The following ARHGAP26 variants were observed in gnomAD, a reference collection of about 807,000 sequenced individuals.
ARHGAP26 encodes the protein rho GTPase-activating protein 26.
ARHGAP26 carries 38 observed loss-of-function variants against 104.8 expected under a neutral mutation model. The observed-to-expected ratio is 0.36, with a 90% CI of 0.28 to 0.48. ARHGAP26 has a LOEUF of 0.48. Among genes scored for constraint, ARHGAP26 ranks in the 20% least tolerant of loss-of-function variants. ARHGAP26 has a pLI of 0.99. For missense variants in ARHGAP26, 704 were observed against 947.9 expected, an observed-to-expected ratio of 0.74 and a Z score of 3.38; for synonymous variants, 341 against 340.0, an observed-to-expected ratio of 1.00 and a Z score of -0.03.
Position 142,990,612 on chromosome 5 carries a change from T to C in ARHGAP26, c.1108-23468T>C, listed in dbSNP as rs904674169. 7.7e-4 allele frequency among the ~76,000 whole-genome samples: 117 copies of C among 152,340 alleles called. 1 individual carries two copies. Among genetic ancestry groups the C allele is most frequent in the Non-Finnish European group, 7.1e-4 (48 of 68,026 alleles). On this transcript the variant is annotated intron_variant, in intron 11 of 22. Transcript: ENST00000645722. ...TGTGGTTTTATCTACTTTTGGTCTT[T>C]GATGATGGTGACGTACAGATGGGGT...
intron 1 of ARHGAP26, among the ~76,000 whole-genome samples, chr5:142,841,528 T>C (rs1360654094): frequency 6.6e-6 from 1 of 152,196 alleles, no homozygotes; most frequent in Non-Finnish European, 1.5e-5. Flanking sequence ...TTACCCTAGC[T>C]GGAGGTGACT....
intron 1 of ARHGAP26, among the ~76,000 whole-genome samples, chr5:142,813,597 C>A (rs1288141597): frequency 6.6e-6 from 1 of 152,200 alleles, no homozygotes; most frequent in Non-Finnish European, 1.5e-5. Context: ...AAGGTTTTGG[C>A]AGGGCTGTTT....
chr5:143,036,486 T>TG (rs1434272287), intron 12 of ARHGAP26, among the ~76,000 whole-genome samples: 3 of 152,220 alleles, frequency 2.0e-5, no homozygotes, highest in Non-Finnish European at 4.4e-5. Context: ...CTGCTTCCTT[T>TG]GGTAGTGTCT....
At chr5:143,008,254 G>A (rs919040438) in intron 11 of ARHGAP26, among the ~76,000 whole-genome samples, 1 of 152,176 alleles carries the variant, frequency 6.6e-6, no homozygotes, top group African/African-American at 2.4e-5. Context: ...TGAGGTCTAG[G>A]GATGATAACT....
chr5:143,162,292 C>CAT (rs1801346940), intron 20 of ARHGAP26, among the ~76,000 whole-genome samples: 1 of 93,630 alleles, frequency 1.1e-5, no homozygotes, highest in African/African-American at 2.9e-5. Flanking sequence ...CATACACACA[C>CAT]ACACACACAC....
At chr5:143,006,316 C>CTGTTTTTT (rs772059084) in intron 11 of ARHGAP26, among the ~76,000 whole-genome samples, 1 of 112,868 alleles carries the variant, frequency 8.9e-6, no homozygotes, top group Non-Finnish European at 1.9e-5. Context: ...AGTGTTTTTT[C>CTGTTTTTT]TTTTTTTTTT....
intron 17 of ARHGAP26, among the ~76,000 whole-genome samples, chr5:143,078,309 C>T (rs1357063899): frequency 6.6e-6 from 1 of 152,134 alleles, no homozygotes; most frequent in Non-Finnish European, 1.5e-5. Context: ...GCAACCATCC[C>T]GAGAGTGAGT....
intron 21 of ARHGAP26, among the ~76,000 whole-genome samples, chr5:143,212,082 G>A (rs1482594012): frequency 6.6e-6 from 1 of 152,042 alleles, no homozygotes; most frequent in Admixed American, 6.5e-5. Flanking sequence ...CCAGTCAGAG[G>A]AGCCTTTCCT....
At chr5:142,916,422 C>G (rs1278899131) in intron 10 of ARHGAP26, among the ~76,000 whole-genome samples, 1 of 152,186 alleles carries the variant, frequency 6.6e-6, no homozygotes, top group Non-Finnish European at 1.5e-5. Flanking sequence ...TTACAGATTC[C>G]TGGTGCTTGT....
At chr5:143,134,301 A>G (rs1375611236) in intron 19 of ARHGAP26, among the ~76,000 whole-genome samples, 196 bp downstream of exon 19, 1 of 152,168 alleles carries the variant, frequency 6.6e-6, no homozygotes, top group Non-Finnish European at 1.5e-5. Context: ...ATTGAGAATG[A>G]AAGAGAAGGG....
intron 12 of ARHGAP26, among the ~76,000 whole-genome samples, chr5:143,023,430 C>T (rs1238177659): frequency 6.6e-6 from 1 of 151,646 alleles, no homozygotes; most frequent in Non-Finnish European, 1.5e-5. Flanking sequence ...GATGGGATCG[C>T]CTGGGCCACT....
intron 14 of ARHGAP26, among the ~76,000 whole-genome samples, chr5:143,046,150 C>T (rs1326233957): frequency 6.6e-6 from 1 of 151,268 alleles, no homozygotes; most frequent in Non-Finnish European, 1.5e-5. Flanking sequence ...ATAAAAAATA[C>T]AAAAATTAGC....
chr5:142,827,893 C>T lies in ARHGAP26; in HGVS notation c.155-45507C>T, dbSNP rs118140154. On this transcript the variant is annotated intron_variant, in intron 1 of 22. Coordinates refer to ENST00000645722, the MANE Select transcript of ARHGAP26 (RefSeq NM_001135608.3). ...ACTAGCTAATGATTCTCCTGGCATC[C>T]GGGAAGTGTAGATACTGCTTTTATT... Among the ~76,000 whole-genome samples, 30 of 152,318 alleles carry T rather than the reference C, an allele frequency of 2.0e-4. No individual in the cohort carries two copies. The East Asian group carries it at 5.8e-3, about 29-fold the overall frequency.
chr5:142,987,890 C>T (rs1267916466), intron 11 of ARHGAP26, among the ~76,000 whole-genome samples: 14 of 152,210 alleles, frequency 9.2e-5, no homozygotes, highest in African/African-American at 2.2e-4. Context: ...CTGCTGGATT[C>T]GGTTTGCCAG....
At chr5:143,093,751 C>G (rs1158199911) in intron 17 of ARHGAP26, among the ~76,000 whole-genome samples, 1 of 152,144 alleles carries the variant, frequency 6.6e-6, no homozygotes, top group Non-Finnish European at 1.5e-5. Flanking sequence ...CCTTCCCCTT[C>G]CCCTAGGGGA....
intron 11 of ARHGAP26, among the ~76,000 whole-genome samples, chr5:142,985,522 T>A (rs1016671664): frequency 9.9e-5 from 15 of 152,130 alleles, no homozygotes; most frequent in African/African-American, 3.4e-4. Flanking sequence ...CTTTTTTTTT[T>A]TAATTTAAGT....
intron 1 of ARHGAP26, among the ~76,000 whole-genome samples, chr5:142,796,743 C>T (rs1256893583): frequency 1.3e-5 from 2 of 152,258 alleles, no homozygotes; most frequent in Non-Finnish European, 2.9e-5. Context: ...CTGCTCCAGT[C>T]CTGAATCTGT....
rs569268545 is a variant in ARHGAP26, at chr5:142,855,191, C to T, written c.155-18209C>T. ...GCTCTCAGTGGTGGAGAAAGACTGGCAAAACAGCCTTTTAAAACCCCCATT... is the reference window on the plus strand; with the variant it reads ...GCTCTCAGTGGTGGAGAAAGACTGGTAAAACAGCCTTTTAAAACCCCCATT... On this transcript the variant is annotated intron_variant, in intron 1 of 22. Coordinates refer to ENST00000645722, the MANE Select transcript of ARHGAP26 (RefSeq NM_001135608.3). Among the ~76,000 whole-genome samples, 24 of 152,208 alleles carry T rather than the reference C, an allele frequency of 1.6e-4. No individual in the cohort carries two copies. The East Asian group carries it at 3.5e-3, about 22-fold the overall frequency.
chr5:142,995,708 C>T (rs1374969867), intron 11 of ARHGAP26, among the ~76,000 whole-genome samples: 1 of 152,168 alleles, frequency 6.6e-6, no homozygotes, highest in Non-Finnish European at 1.5e-5. Flanking sequence ...AAGACACATG[C>T]ACACATATGT....
Sources: gnomAD v4.1 joint callset for allele counts (sites outside exome capture counted in the v4.1 genomes callset) on GRCh38, gnomAD v4.1.1 for gene constraint, MANE v1.5 for transcripts, NCBI Gene and HGNC (gene_info 2026-07-23, HGNC 2026-07-21) for gene names.